Variants in TMEM232 observed in about 807,000 individuals in gnomAD.
The protein encoded by TMEM232 is transmembrane protein 232.
Under a neutral mutation model 78.8 loss-of-function variants are expected in TMEM232, and 80 were observed. That is an observed-to-expected ratio of 1.01 (90% CI 0.85 to 1.22). The LOEUF (loss-of-function observed/expected upper bound fraction) is 1.22. Ranked by LOEUF, TMEM232 falls within the 50% of genes most tolerant of loss-of-function variation. TMEM232 has a pLI of 0.00. For missense variants in TMEM232, 881 were observed against 742.2 expected, an observed-to-expected ratio of 1.19 and a Z score of -2.17; for synonymous variants, 297 against 254.3, an observed-to-expected ratio of 1.17 and a Z score of -1.60.
In TMEM232 at chr5:110,625,292, C is replaced by A. The variant is rs1261618885; in HGVS notation, c.743G>T (p.Arg248Ile). Residue 248 changes from arginine to isoleucine, a missense_variant, in exon 7 of 14, where the codon AGA (arginine) becomes ATA (isoleucine). Physicochemically the swap from Arg to Ile is moderately conservative, Grantham distance 97. Coordinates refer to ENST00000455884, the MANE Select transcript of TMEM232 (RefSeq NM_001039763.4). The stretch of plus-strand genomic sequence containing the variant: ...CATATCAGAATCTGTGTTCTCATAT[C>A]TTTTCTTATCTTCCACAGGTCTAAA... ...SIFRPVEDKK[R>I]YENTDSDMGG... 5 of 1,541,204 alleles carry A rather than the reference C, an allele frequency of 3.2e-6. No individual in the cohort carries two copies. The East Asian group carries it at 1.2e-4, about 38-fold the overall frequency.
intron 12 of TMEM232, among the ~76,000 whole-genome samples, chr5:110,515,295 T>G (rs1259980628): frequency 6.6e-6 from 1 of 152,164 alleles, no homozygotes; most frequent in Non-Finnish European, 1.5e-5. Context: ...CTTAAGAATC[T>G]CCCACTTTGT....
chr5:110,422,488 C>A (rs978858415), intron 13 of TMEM232, among the ~76,000 whole-genome samples: 1 of 136,784 alleles, frequency 7.3e-6, no homozygotes, highest in African/African-American at 2.8e-5. Context: ...CCACTGCACT[C>A]CAGCCTGGGC....
chr5:110,674,731 C>T (rs548249841), intron 1 of TMEM232, among the ~76,000 whole-genome samples: 1 of 152,312 alleles, frequency 6.6e-6, no homozygotes, highest in Non-Finnish European at 1.5e-5. Context: ...TCCAATGAAT[C>T]TTTGCCATGT....
intron 13 of TMEM232, among the ~76,000 whole-genome samples, chr5:110,422,300 G>T (rs555955713): frequency 4.9e-4 from 74 of 151,952 alleles, no homozygotes; most frequent in Admixed American, 3.0e-3. Context: ...CGGATCACGA[G>T]GTCAGGAGAT....
chr5:110,646,992 T>TA (rs1787589274), intron 2 of TMEM232, among the ~76,000 whole-genome samples: 1 of 151,754 alleles, frequency 6.6e-6, no homozygotes, highest in African/African-American at 2.4e-5. Context: ...TATCAGAATT[T>TA]AAAAAAATAT....
At chr5:110,547,864 G>T (rs530893814) in intron 11 of TMEM232, among the ~76,000 whole-genome samples, 2 of 151,804 alleles carry the variant, frequency 1.3e-5, no homozygotes, top group East Asian at 3.9e-4. Context: ...CAGGCATGGT[G>T]GTGCATGCCT....
intron 1 of TMEM232, among the ~76,000 whole-genome samples, chr5:110,690,369 A>T (rs1246606013): frequency 6.6e-6 from 1 of 152,212 alleles, no homozygotes; most frequent in Non-Finnish European, 1.5e-5. Context: ...AAACATACGA[A>T]AAAAGGCTCA....
At chr5:110,578,941 C>T (rs1314220495) in intron 10 of TMEM232, among the ~76,000 whole-genome samples, 2 of 151,780 alleles carry the variant, frequency 1.3e-5, no homozygotes, top group African/African-American at 4.8e-5. Context: ...ATTTAGAAAA[C>T]ACAATTGGCT....
chr5:110,512,942 A>T (rs1767997845), intron 12 of TMEM232, among the ~76,000 whole-genome samples: 1 of 152,212 alleles, frequency 6.6e-6, no homozygotes, highest in South Asian at 2.1e-4. Context: ...TCATGTTACT[A>T]TGAATGGAGA....
intron 2 of TMEM232, among the ~76,000 whole-genome samples, chr5:110,404,693 C>G (rs1755722842): frequency 6.6e-6 from 1 of 151,920 alleles, no homozygotes; most frequent in South Asian, 2.1e-4. Flanking sequence ...ATAAGTAAAC[C>G]TTATTTTCTA....
chr5:110,589,381 T>C (rs1779229942), intron 10 of TMEM232, among the ~76,000 whole-genome samples: 1 of 152,054 alleles, frequency 6.6e-6, no homozygotes, highest in Non-Finnish European at 1.5e-5. Context: ...GGGCCACACA[T>C]GATATAGGGT....
At chr5:110,540,055 G>A (rs936569737) in intron 11 of TMEM232, among the ~76,000 whole-genome samples, 1 of 152,148 alleles carries the variant, frequency 6.6e-6, no homozygotes, top group Admixed American at 6.6e-5. Flanking sequence ...AATGGACCTC[G>A]GAAATGAGAG....
intron 1 of TMEM232, among the ~76,000 whole-genome samples, chr5:110,717,484 C>A (rs568658720): frequency 6.6e-6 from 1 of 152,232 alleles, no homozygotes; most frequent in East Asian, 1.9e-4. Context: ...ATAAGTTGCT[C>A]AAATCCCATC....
intron 1 of TMEM232, among the ~76,000 whole-genome samples, chr5:110,688,627 T>A (rs1413897264): frequency 6.6e-6 from 1 of 152,100 alleles, no homozygotes; most frequent in Non-Finnish European, 1.5e-5. Flanking sequence ...GGAGGCCATA[T>A]AGATGGGACA....
chr5:110,514,337 T>TA (rs1014184199), intron 12 of TMEM232, among the ~76,000 whole-genome samples: 8 of 151,716 alleles, frequency 5.3e-5, no homozygotes, highest in Admixed American at 2.0e-4. Flanking sequence ...ATTCATAGCT[T>TA]AAAAAAAAGC....
intron 11 of TMEM232, among the ~76,000 whole-genome samples, chr5:110,541,824 A>C (rs1773155585): frequency 6.6e-6 from 1 of 152,182 alleles, no homozygotes; most frequent in Non-Finnish European, 1.5e-5. Context: ...CAGTTTAGTA[A>C]AATACCTAGT....
At chr5:110,508,687 G>T (rs1767257339) in intron 12 of TMEM232, among the ~76,000 whole-genome samples, 1 of 150,410 alleles carries the variant, frequency 6.6e-6, no homozygotes, top group African/African-American at 2.4e-5. Flanking sequence ...AAAGTTTCTG[G>T]TCAAGCTGTT....
chr5:110,545,433 T>C (rs1773655793), intron 11 of TMEM232, among the ~76,000 whole-genome samples: 1 of 152,030 alleles, frequency 6.6e-6, no homozygotes, highest in Non-Finnish European at 1.5e-5. Context: ...TTATATAAAA[T>C]ATTACAATAT....
At chr5:110,509,793 T>A (rs986932186) in intron 12 of TMEM232, among the ~76,000 whole-genome samples, 1 of 152,142 alleles carries the variant, frequency 6.6e-6, no homozygotes, top group African/African-American at 2.4e-5. Flanking sequence ...TGCTCAGGGA[T>A]AATGAAAAAT....
Sources: allele counts gnomAD v4.1 joint callset (sites outside exome capture counted in the v4.1 genomes callset), GRCh38; gene constraint gnomAD v4.1.1; transcripts MANE v1.5; gene names NCBI Gene and HGNC (gene_info 2026-07-23, HGNC 2026-07-21).